Variants in PPARD observed in about 807,000 individuals in gnomAD.
PPARD encodes peroxisome proliferator-activated receptor delta.
PPARD carries 6 observed loss-of-function variants against 39.5 expected under a neutral mutation model. The ratio of observed to expected loss-of-function variants is 0.15; its 90% confidence interval spans 0.08 to 0.30. The LOEUF is 0.30. Among genes scored for constraint, PPARD ranks in the 10% least tolerant of loss-of-function variants. The probability of loss-of-function intolerance (pLI) is 1.00; values close to 1 mark genes in which losing one functional copy is unlikely to be tolerated. For synonymous variants in PPARD, 210 were observed against 231.3 expected (o/e 0.91, Z 0.83); for missense variants, 397 against 596.8 (o/e 0.67, Z 3.49).
At position 35,420,142 on chromosome 6, in the gene PPARD, C is replaced by T. The variant is rs373922267; in HGVS notation, c.146C>T (p.Ser49Phe). 5 of 1,613,274 alleles carry T rather than the reference C, an allele frequency of 3.1e-6. No homozygotes were observed. The highest frequency in any genetic ancestry group is 2.2e-5 in the East Asian group (1 of 44,840). Reference sequence around the variant, plus strand: ...GTGTCCGCAGACCTCTCCCGGAGCTCCTCGCCACCCTCACTGCTGGACCAA... The same window carrying T: ...GTGTCCGCAGACCTCTCCCGGAGCTTCTCGCCACCCTCACTGCTGGACCAA... ...SSSYTDLSRS[S>F]SPPSLLDQLQ... Residue 49 changes from serine to phenylalanine, a missense_variant, in exon 4 of 8, where the codon TCC (serine) becomes TTC (phenylalanine). By Grantham distance (155) the Ser-to-Phe change is radical. Coordinates refer to ENST00000360694, the MANE Select transcript of PPARD (RefSeq NM_006238.5).
chr6:35,374,342 G>A (rs1260092233), intron 2 of PPARD, among the ~76,000 whole-genome samples: 1 of 149,818 alleles, frequency 6.7e-6, no homozygotes, highest in African/African-American at 2.5e-5. Context: ...ATTGCTTTTT[G>A]GATTTTTGTT....
chr6:35,343,435 C>G (rs757712965), intron 1 of PPARD, among the ~76,000 whole-genome samples: 1 of 152,134 alleles, frequency 6.6e-6, no homozygotes. Flanking sequence ...TCGCCCACCT[C>G]CTTTTCTCTC....
chr6:35,399,443 T>C (rs1028489204), intron 2 of PPARD, among the ~76,000 whole-genome samples: 8 of 149,160 alleles, frequency 5.4e-5, no homozygotes, highest in African/African-American at 2.0e-4. Flanking sequence ...CAGTGGCTCA[T>C]GCCTGTAATT....
chr6:35,425,839 A>C lies in PPARD; in HGVS notation c.1086A>C (p.Pro362=). 6.2e-7 allele frequency: 1 copy of C among 1,614,016 alleles called. No individual in the cohort carries two copies. The highest frequency in any genetic ancestry group is 1.7e-4 in the Middle Eastern group (1 of 6,060). ...IAAIILCGDR[P]GLMNVPRVEA... ...TGCCCTGTGTCCCCACAGACCGGCCAGGCCTCATGAACGTTCCACGGGTGG... is the reference window on the plus strand; with the variant it reads ...TGCCCTGTGTCCCCACAGACCGGCCCGGCCTCATGAACGTTCCACGGGTGG... Residue 362 remains proline (P), a synonymous_variant, in exon 8 of 8, where the codon CCA becomes CCC. Transcript: ENST00000360694. This position sits in a 1 kb window ranked among gnomAD's most constrained non-coding sequence, Gnocchi z 4.5.
At chr6:35,385,575 T>C (rs1438867411) in intron 2 of PPARD, among the ~76,000 whole-genome samples, 14 of 140,934 alleles carry the variant, frequency 9.9e-5, no homozygotes, top group African/African-American at 3.7e-4. Flanking sequence ...CCTCCACTAT[T>C]GTCCTATGAC....
At chr6:35,418,459 G>A (rs192815219) in intron 3 of PPARD, among the ~76,000 whole-genome samples, 3 of 152,326 alleles carry the variant, frequency 2.0e-5, no homozygotes, top group South Asian at 2.1e-4. Flanking sequence ...TGCCTGCTGC[G>A]TGCCCAGCAC....
chr6:35,346,282 A>G (rs565588153), intron 1 of PPARD, among the ~76,000 whole-genome samples: 49 of 152,254 alleles, frequency 3.2e-4, no homozygotes, highest in Non-Finnish European at 5.0e-4. Flanking sequence ...GCCTTGCTCC[A>G]GTGCCTCTGA....
Position 35,394,237 on chromosome 6 carries a change from G to A in PPARD, c.-101-16750G>A, listed in dbSNP as rs367982570. Among the ~76,000 whole-genome samples, 24 of 152,274 alleles carry A rather than the reference G, an allele frequency of 1.6e-4. No individual in the cohort carries two copies. In the East Asian group the frequency reaches 3.3e-3, roughly 21 times the overall value. ...TGAGTGTGTCGCGGATGCGCAGCTCGGCCACTTCCTGTTTTCTTCGGCTGT... is the reference window on the plus strand; with the variant it reads ...TGAGTGTGTCGCGGATGCGCAGCTCAGCCACTTCCTGTTTTCTTCGGCTGT... On this transcript the variant is annotated intron_variant, in intron 2 of 7. Transcript: ENST00000360694.
chr6:35,349,262 T>TGATC (rs1406155905), intron 2 of PPARD, among the ~76,000 whole-genome samples: 2 of 152,056 alleles, frequency 1.3e-5, no homozygotes, highest in African/African-American at 4.8e-5. Flanking sequence ...CCTGACCTCG[T>TGATC]GATCCACCGG....
chr6:35,351,159 G>A (rs1455987261), intron 2 of PPARD, among the ~76,000 whole-genome samples: 1 of 151,842 alleles, frequency 6.6e-6, no homozygotes, highest in Non-Finnish European at 1.5e-5. Context: ...CCGAGTAGCT[G>A]GGACTACAGG....
intron 2 of PPARD, among the ~76,000 whole-genome samples, chr6:35,379,844 T>G (rs775311654): frequency 3.5e-4 from 53 of 152,236 alleles, no homozygotes; most frequent in Admixed American, 7.9e-4. Context: ...CTCTTGGTCT[T>G]TATGAACTTT....
intron 4 of PPARD, 108 bp downstream of exon 4, chr6:35,420,389 T>G: frequency 1.1e-5 from 16 of 1,398,068 alleles, no homozygotes; most frequent in Non-Finnish European, 1.4e-5. Flanking sequence ...ACTGTACCTA[T>G]TGCAGAATTC....
chr6:35,348,744 C>T, intron 2 of PPARD: 1 of 985,362 alleles, frequency 1.0e-6, no homozygotes, highest in Non-Finnish European at 1.2e-6. Context: ...GTGGGGGGCC[C>T]TCCTGCTTTC....
At chr6:35,376,956 C>T (rs1046357642) in intron 2 of PPARD, among the ~76,000 whole-genome samples, 1 of 150,330 alleles carries the variant, frequency 6.7e-6, no homozygotes, top group African/African-American at 2.5e-5. Context: ...GGAGGCAGAG[C>T]TTGCAGTGAG....
intron 2 of PPARD, among the ~76,000 whole-genome samples, chr6:35,361,696 C>T (rs1387004104): frequency 3.9e-5 from 6 of 152,050 alleles, no homozygotes; most frequent in Non-Finnish European, 2.9e-5. Flanking sequence ...GGCAGTGCAG[C>T]GAGGAATCTT....
chr6:35,416,051 A>T (rs1032490216), intron 3 of PPARD, among the ~76,000 whole-genome samples: 1 of 152,046 alleles, frequency 6.6e-6, no homozygotes, highest in Non-Finnish European at 1.5e-5. Flanking sequence ...GCTTTACTCA[A>T]AGTCTTCTGA....
rs1762226779 is a variant in PPARD at position 35,366,749 on chromosome 6, G to A, written c.-102+19599G>A. 6.6e-6 allele frequency among the ~76,000 whole-genome samples: 1 copy of A among 151,956 alleles called. No individual in the cohort carries two copies. The highest frequency in any genetic ancestry group is 1.5e-5 in the Non-Finnish European group (1 of 67,992). ...ATTTTTAGTAGAAATGGGGTTTCAC[G>A]GTGTTGGCCAGGCTGGTCTTGAACT... On this transcript the variant is annotated intron_variant, in intron 2 of 7. Transcript: ENST00000360694. This position sits in a 1 kb window ranked among gnomAD's most constrained non-coding sequence, Gnocchi z 4.6.
intron 2 of PPARD, among the ~76,000 whole-genome samples, chr6:35,352,270 G>A (rs773462792): frequency 4.7e-5 from 7 of 150,228 alleles, no homozygotes; most frequent in Non-Finnish European, 8.9e-5. Context: ...TGCAACCTCC[G>A]CCTCGTGGGT....
rs574103821 is a variant in PPARD at position 35,424,065 on chromosome 6, A to G, written c.544A>G (p.Ile182Val). 1 of 1,614,186 alleles carries G rather than the reference A, an allele frequency of 6.2e-7. No homozygotes were observed. Among genetic ancestry groups the G allele is most frequent in the South Asian group, 1.1e-5 (1 of 91,084 alleles). The change falls in exon 6 of 8, where the codon ATC becomes GTC. Residue 182 changes from isoleucine (I) to valine (V), a missense_variant. Physicochemically the swap from Ile to Val is conservative, Grantham distance 29 (BLOSUM62 3). Coordinates refer to ENST00000360694, the MANE Select transcript of PPARD (RefSeq NM_006238.5). This position sits in a 1 kb window ranked among gnomAD's most constrained non-coding sequence, Gnocchi z 7.1. The part of the protein sequence containing the change: ...VADLKAFSKH[I>V]YNAYLKNFNM... Reference sequence around the variant, plus strand: ...CGACCTGAAGGCCTTCTCCAAGCACATCTACAATGCCTACCTGAAAAACTT... The same window carrying G: ...CGACCTGAAGGCCTTCTCCAAGCACGTCTACAATGCCTACCTGAAAAACTT...
Sources: allele counts gnomAD v4.1 joint callset (sites outside exome capture counted in the v4.1 genomes callset), GRCh38; gene constraint gnomAD v4.1.1; non-coding constraint Gnocchi (gnomAD v3.1); transcripts MANE v1.5; gene names NCBI Gene and HGNC (gene_info 2026-07-23, HGNC 2026-07-21).